WDR26: variants seen among roughly 807,000 people sequenced by gnomAD.
The protein encoded by WDR26 is WD repeat-containing protein 26.
In WDR26, 5 loss-of-function variants were observed where a neutral mutation model predicts 84.1. That is an observed-to-expected ratio of 0.06 (90% CI 0.03 to 0.13). WDR26 has a LOEUF of 0.13. Ranked by LOEUF, WDR26 falls within the 10% of genes least tolerant of loss-of-function variation. WDR26 has a pLI of 1.00. For missense variants in WDR26, 642 were observed against 974.9 expected (o/e 0.66, Z 4.55); for synonymous variants, 415 against 389.6 (o/e 1.07, Z -0.77).
chr1:224,421,607 G>A (rs1375469458), intron 4 of WDR26, among the ~76,000 whole-genome samples: 1 of 152,034 alleles, frequency 6.6e-6, no homozygotes, highest in Admixed American at 6.6e-5. Context: ...AAGGTAATCG[G>A]AACAAGAAAT....
intron 13 of WDR26, among the ~76,000 whole-genome samples, chr1:224,390,821 T>C (rs756342286): frequency 2.0e-5 from 3 of 151,816 alleles, no homozygotes; most frequent in Non-Finnish European, 4.4e-5. Context: ...AAATCAATGG[T>C]TTTTAGTGTA....
intron 13 of WDR26, 42 bp from the exon 14 acceptor site, chr1:224,389,902 G>GGGGGAA: frequency 2.7e-6 from 1 of 376,262 alleles, no homozygotes; most frequent in Non-Finnish European, 5.0e-6. Flanking sequence ...GCGGGCGGGG[G>GGGGGAA]AGGGAAGAGG....
chr1:224,415,449 CTTTCTTTTTTTTTTTTT>C (rs1673868527), intron 6 of WDR26, among the ~76,000 whole-genome samples: 2 of 102,722 alleles, frequency 1.9e-5, no homozygotes, highest in African/African-American at 8.8e-5. Flanking sequence ...ACACGTATTT[CTTTCTTTTTTTTTTTTT>C]TTTTTTTTTT....
At chr1:224,397,955 G>C in intron 12 of WDR26, 142 bp downstream of exon 12, 1 of 989,786 alleles carries the variant, frequency 1.0e-6, no homozygotes, top group Non-Finnish European at 1.5e-6. Flanking sequence ...GGTCATTACA[G>C]AGAGAAATTA....
At chr1:224,394,098 ACT>A in intron 12 of WDR26, 85 bp from the exon 13 acceptor site, 1 of 1,022,208 alleles carries the variant, frequency 9.8e-7, no homozygotes, top group Non-Finnish European at 1.3e-6. Flanking sequence ...TACACACAGG[ACT>A]CTTTACTAGA....
intron 13 of WDR26, 150 bp from the exon 14 acceptor site, chr1:224,390,010 A>C (rs1572149881): frequency 1.7e-6 from 1 of 597,284 alleles, no homozygotes; most frequent in East Asian, 3.1e-5. Flanking sequence ...CAAATTCTTG[A>C]AACTTTCATC....
At chr1:224,411,036 T>C (rs1310939786) in intron 7 of WDR26, among the ~76,000 whole-genome samples, 1 of 152,202 alleles carries the variant, frequency 6.6e-6, no homozygotes, top group Non-Finnish European at 1.5e-5. Flanking sequence ...TTGGCAGATA[T>C]GTTAATAGCA....
intron 6 of WDR26, among the ~76,000 whole-genome samples, chr1:224,412,461 T>G (rs1673765375): frequency 6.6e-6 from 1 of 152,162 alleles, no homozygotes; most frequent in African/African-American, 2.4e-5. Flanking sequence ...TACCCAAGGA[T>G]GAAATAAGAG....
Position 224,387,563 on chromosome 1 carries a change from A to T in WDR26, c.*2272T>A, listed in dbSNP as rs1424565067. On this transcript the variant is annotated 3_prime_UTR_variant, in exon 14 of 14. Coordinates refer to ENST00000414423, the MANE Select transcript of WDR26 (RefSeq NM_001379403.1). ...AAAAAGTGTTTTTAAACTGTACTTC[A>T]GAAGCACTCTGAAAACTCAGATCTA... 1 of 152,788 alleles carries T rather than the reference A, an allele frequency of 6.5e-6. No individual in the cohort carries two copies. Among genetic ancestry groups the T allele is most frequent in the Non-Finnish European group, 1.5e-5 (1 of 68,030 alleles). 9.5% of individuals were successfully genotyped at this position (152,788 alleles called of 1,614,324 possible). A position where few individuals can be genotyped will look rare whatever the true frequency, so the allele number is the denominator to read the frequency against.
intron 9 of WDR26, 111 bp from the exon 10 acceptor site, chr1:224,399,145 TTC>T: frequency 7.1e-6 from 7 of 991,712 alleles, no homozygotes; most frequent in Non-Finnish European, 9.8e-6. Context: ...TTTTTTTTTT[TTC>T]CTGAGACTGA....
chr1:224,401,225 C>T (rs1673404562), intron 8 of WDR26, among the ~76,000 whole-genome samples, 156 bp from the exon 9 acceptor site: 1 of 152,072 alleles, frequency 6.6e-6, no homozygotes, highest in Non-Finnish European at 1.5e-5. Context: ...GACAACAGCA[C>T]TCAGAAGAGA....
At position 224,411,428 on chromosome 1, in the gene WDR26, G is replaced by A. The variant is rs752279779; in HGVS notation, c.1457C>T (p.Pro486Leu). ...AAACACTCATATTGGGGTACATACC[G>A]GATCAACTTGCCATATGATAACTGT... is the stretch of plus-strand genomic sequence containing the variant. The change falls in exon 7 of 14, where the codon CCG becomes CTG. Residue 486 changes from proline to leucine, a missense_variant and splice_region_variant. Around this residue, in one of 2 missense-constraint regions of WDR26, gnomAD observed 351 missense variants for 672.8 expected, o/e 0.52. Coordinates refer to ENST00000414423, the MANE Select transcript of WDR26 (RefSeq NM_001379403.1). 2.1e-5 allele frequency: 33 copies of A among 1,607,172 alleles called. No homozygotes were observed. Among genetic ancestry groups the A allele is most frequent in the South Asian group, 9.0e-5 (8 of 88,828 alleles).
chr1:224,389,234 G>C lies in WDR26; in HGVS notation c.*601C>G, dbSNP rs987083277. Reference sequence around the variant, plus strand: ...AAAAGTACAAAACTTTTTGTCAAATGTAATATTGAGAGTGCTTTTGACATA... The same window carrying C: ...AAAAGTACAAAACTTTTTGTCAAATCTAATATTGAGAGTGCTTTTGACATA... On this transcript the variant is annotated 3_prime_UTR_variant, in exon 14 of 14. Transcript: ENST00000414423. The C allele has an allele frequency of 6.4e-6, 1 of 156,948 alleles. No homozygotes were observed. Among genetic ancestry groups the C allele is most frequent in the African/African-American group, 2.4e-5 (1 of 41,678 alleles). The allele number at this position is 156,948 out of a possible 1,614,324, so 9.7% of individuals were successfully genotyped here.
At chr1:224,397,988 G>A in intron 12 of WDR26, 109 bp downstream of exon 12, 1 of 1,358,328 alleles carries the variant, frequency 7.4e-7, no homozygotes, top group Non-Finnish European at 1.0e-6. Flanking sequence ...ATAAATGAAA[G>A]AATTTTAACT....
chr1:224,391,988 T>A (rs1180354681), intron 13 of WDR26, among the ~76,000 whole-genome samples: 1 of 152,130 alleles, frequency 6.6e-6, no homozygotes, highest in Non-Finnish European at 1.5e-5. Flanking sequence ...TTTGGCTCAC[T>A]CACCAAAGTG....
chr1:224,424,689 A>T (rs1215813927), intron 3 of WDR26, 35 bp from the exon 4 acceptor site: 3 of 1,613,586 alleles, frequency 1.9e-6, no homozygotes, highest in Admixed American at 1.7e-5. Context: ...AGGGGAAAAA[A>T]GTTGATGGAA....
At chr1:224,390,159 C>T (rs1188639274) in intron 13 of WDR26, among the ~76,000 whole-genome samples, 1 of 152,196 alleles carries the variant, frequency 6.6e-6, no homozygotes, top group Non-Finnish European at 1.5e-5. Flanking sequence ...CAGGATCCCA[C>T]TCTGCTGCTC....
Position 224,431,553 on chromosome 1 carries a change from G to A in WDR26, c.851C>T (p.Pro284Leu), listed in dbSNP as rs1436537188. 2.5e-6 allele frequency: 4 copies of A among 1,613,882 alleles called. No individual in the cohort carries two copies. The highest frequency in any genetic ancestry group is 3.4e-6 in the Non-Finnish European group (4 of 1,179,962). ...AATAGCATGAGGAGAATGCACTAAAGGCTTTAGTTCATTCAGGTCATTTTC... is the reference window on the plus strand; with the variant it reads ...AATAGCATGAGGAGAATGCACTAAAAGCTTTAGTTCATTCAGGTCATTTTC... Residue 284 changes from proline (P) to leucine (L), a missense_variant, in exon 3 of 14, where the codon CCT becomes CTT. Physicochemically the swap from Pro to Leu is moderately conservative, Grantham distance 98. Transcript: ENST00000414423.
chr1:224,398,611 T>C lies in WDR26; in HGVS notation c.1866-18A>G. 1 of 1,580,484 alleles carries C rather than the reference T, an allele frequency of 6.3e-7. No homozygotes were observed. The highest frequency in any genetic ancestry group is 8.6e-7 in the Non-Finnish European group (1 of 1,163,392). ...CTTGTACTCTGGAACCAGAAAATAA[T>C]TTGTCAAAAACAACATATTAACAGT... On this transcript the variant is annotated intron_variant, in intron 10 of 13. Transcript: ENST00000414423.
Sources: allele counts gnomAD v4.1 joint callset (sites outside exome capture counted in the v4.1 genomes callset), GRCh38; gene constraint gnomAD v4.1.1; regional missense constraint gnomAD v4.1.1; transcripts MANE v1.5; gene names NCBI Gene and HGNC (gene_info 2026-07-23, HGNC 2026-07-21).